Variants in ALDH1A2 observed in about 807,000 individuals in gnomAD.
The protein encoded by ALDH1A2 is retinal dehydrogenase 2.
Under a neutral mutation model 60.3 loss-of-function variants are expected in ALDH1A2, and 27 were observed. The observed-to-expected ratio is 0.45, with a 90% confidence interval of 0.33 to 0.62. The LOEUF is 0.62. Among genes scored for constraint, ALDH1A2 ranks in the 20% least tolerant of loss-of-function variants. The pLI is 0.02. For missense variants in ALDH1A2, 581 were observed against 643.8 expected, an observed-to-expected ratio of 0.90 and a Z score of 1.06; for synonymous variants, 289 against 232.4, an observed-to-expected ratio of 1.24 and a Z score of -2.21.
intron 7 of ALDH1A2, among the ~76,000 whole-genome samples, chr15:57,991,070 A>C (rs993079703): frequency 1.3e-5 from 2 of 152,096 alleles, no homozygotes; most frequent in African/African-American, 4.8e-5. Flanking sequence ...TCACACCCCT[A>C]AATTATTATT....
chr15:58,020,772 G>C (rs1895905364), intron 1 of ALDH1A2, among the ~76,000 whole-genome samples: 1 of 151,964 alleles, frequency 6.6e-6, no homozygotes, highest in Non-Finnish European at 1.5e-5. Context: ...TATCAATTTT[G>C]TAAAATGCAT....
chr15:57,979,789 C>T (rs1359964529), intron 7 of ALDH1A2: 6 of 248,984 alleles, frequency 2.4e-5, no homozygotes, highest in African/African-American at 4.6e-5. Context: ...GTTGCCAGCA[C>T]CCAAGGGAGC....
chr15:58,055,777 A>G lies in ALDH1A2; in HGVS notation c.117+9757T>C, dbSNP rs191517958. On this transcript the variant is annotated intron_variant, in intron 1 of 12. Transcript: ENST00000249750. The stretch of plus-strand genomic sequence containing the variant: ...CAGCTTTGGGTTTAGAACTTAAGTT[A>G]AAATGTTAACAAAATAAGAAGTAAT... Among the ~76,000 whole-genome samples the G allele has an allele frequency of 1.8e-3, 279 of 152,258 alleles. 2 individuals carry two copies. Among genetic ancestry groups the G allele is most frequent in the South Asian group, 0.011 (53 of 4,832 alleles).
At position 57,965,818 on chromosome 15, in the gene ALDH1A2, G is replaced by C. The variant is rs572440321; in HGVS notation, c.808C>G (p.Leu270Val). The change falls in exon 8 of 13, where the codon CTT (leucine) becomes GTT (valine). Residue 270 changes from leucine to valine, a missense_variant. Around this residue, in one of 2 missense-constraint regions of ALDH1A2, gnomAD observed 375 missense variants for 469.7 expected, o/e 0.80. Coordinates refer to ENST00000249750, the MANE Select transcript of ALDH1A2 (RefSeq NM_003888.4). The part of the protein sequence containing the change: ...AFTGSTEVGK[L>V]IQEAAGRSNL... The stretch of plus-strand genomic sequence containing the variant: ...CTTCTTCCAGCTGCTTCTTGGATAA[G>C]CTTTCCAACCTGAAAGAAGGGAAAT... The C allele has an allele frequency of 6.2e-7, 1 of 1,613,950 alleles. No homozygotes were observed. Among genetic ancestry groups the C allele is most frequent in the South Asian group, 1.1e-5 (1 of 91,072 alleles).
intron 1 of ALDH1A2, among the ~76,000 whole-genome samples, chr15:58,024,623 C>A (rs1247085300): frequency 6.6e-6 from 1 of 152,084 alleles, no homozygotes; most frequent in African/African-American, 2.4e-5. Flanking sequence ...GACTTCAACA[C>A]CCTCACTGTC....
At chr15:57,972,324 A>T (rs772594260) in intron 7 of ALDH1A2, among the ~76,000 whole-genome samples, 2 of 152,196 alleles carry the variant, frequency 1.3e-5, no homozygotes, top group Non-Finnish European at 2.9e-5. Flanking sequence ...GCATTTTGAC[A>T]GTTAAATGCA....
At chr15:57,998,058 AAG>A (rs1336326750) in intron 4 of ALDH1A2, among the ~76,000 whole-genome samples, 3 of 152,016 alleles carry the variant, frequency 2.0e-5, no homozygotes, top group Non-Finnish European at 2.9e-5. Flanking sequence ...CAAAATAATT[AAG>A]AGTCATTTAT....
intron 7 of ALDH1A2, among the ~76,000 whole-genome samples, chr15:57,973,430 A>C (rs1270180525): frequency 6.6e-6 from 1 of 152,208 alleles, no homozygotes; most frequent in South Asian, 2.1e-4. Flanking sequence ...TAATGTACCA[A>C]TAGGTCCCAT....
chr15:57,995,217 C>CATAAA, intron 4 of ALDH1A2, 78 bp from the exon 5 acceptor site: 1 of 284,426 alleles, frequency 3.5e-6, no homozygotes, highest in Non-Finnish European at 5.7e-6. Context: ...TTGGTGGCTG[C>CATAAA]AAAAAAAAAA....
At chr15:58,024,874 T>C (rs1896034634) in intron 1 of ALDH1A2, among the ~76,000 whole-genome samples, 1 of 152,072 alleles carries the variant, frequency 6.6e-6, no homozygotes, top group Non-Finnish European at 1.5e-5. Flanking sequence ...TAGAAATCAA[T>C]GCCAAGAACA....
intron 1 of ALDH1A2, among the ~76,000 whole-genome samples, chr15:58,059,407 A>G (rs577916331): frequency 1.3e-5 from 2 of 152,294 alleles, no homozygotes; most frequent in South Asian, 4.1e-4. Context: ...AAATGCTCTC[A>G]AAATTCCATA....
At chr15:58,002,803 G>T (rs1226330446) in intron 4 of ALDH1A2, among the ~76,000 whole-genome samples, 1 of 151,908 alleles carries the variant, frequency 6.6e-6, no homozygotes, top group African/African-American at 2.4e-5. Context: ...TCAAGGAGCT[G>T]GCAATTCTTT....
chr15:58,021,436 A>C (rs540295379), intron 1 of ALDH1A2, among the ~76,000 whole-genome samples: 2 of 152,152 alleles, frequency 1.3e-5, no homozygotes, highest in African/African-American at 4.8e-5. Flanking sequence ...GTGATTTCCC[A>C]AAGTGGGAAA....
Position 58,010,668 on chromosome 15 carries a change from A to G in ALDH1A2, c.474T>C (p.His158=). The change falls in exon 4 of 13, where the codon CAT becomes CAC. Residue 158 remains histidine, a synonymous_variant. Transcript: ENST00000249750. ...ACATACCTACAGGAATGGTCATCCC[A>G]TGAATTTTATCAGCCCAGCCTGCGT... The part of the protein sequence containing the change: ...RYYAGWADKI[H]GMTIPVDGDY... 1.2e-6 allele frequency: 2 copies of G among 1,613,362 alleles called. No individual in the cohort carries two copies. The highest frequency in any genetic ancestry group is 1.7e-6 in the Non-Finnish European group (2 of 1,179,420).
At chr15:57,966,368 G>C (rs1205429324) in intron 7 of ALDH1A2, among the ~76,000 whole-genome samples, 1 of 152,182 alleles carries the variant, frequency 6.6e-6, no homozygotes, top group Non-Finnish European at 1.5e-5. Flanking sequence ...CTCTTTTTGT[G>C]CAATCTTGTA....
chr15:58,016,834 T>C (rs1355376102), intron 1 of ALDH1A2, among the ~76,000 whole-genome samples: 1 of 152,214 alleles, frequency 6.6e-6, no homozygotes, highest in Non-Finnish European at 1.5e-5. Context: ...CTAATTGTGT[T>C]GTGTAATACA....
intron 4 of ALDH1A2, among the ~76,000 whole-genome samples, chr15:58,003,003 C>T (rs1377283542): frequency 3.3e-5 from 5 of 151,900 alleles, no homozygotes; most frequent in African/African-American, 1.2e-4. Context: ...TGATGCTTTT[C>T]TTCCCAGAAG....
At chr15:58,058,112 G>C in intron 1 of ALDH1A2, 1 of 1,512,916 alleles carries the variant, frequency 6.6e-7, no homozygotes. Flanking sequence ...TTCACACCTA[G>C]AGAAATAAGA....
chr15:58,023,702 A>C (rs1895996337), intron 1 of ALDH1A2, among the ~76,000 whole-genome samples: 1 of 151,092 alleles, frequency 6.6e-6, no homozygotes, highest in African/African-American at 2.4e-5. Context: ...TATCTCTAGC[A>C]AAATTATCCT....
Sources: allele counts gnomAD v4.1 joint callset (sites outside exome capture counted in the v4.1 genomes callset), GRCh38; gene constraint gnomAD v4.1.1; regional missense constraint gnomAD v4.1.1; transcripts MANE v1.5; gene names NCBI Gene and HGNC (gene_info 2026-07-23, HGNC 2026-07-21).